The following ZNF664 variants were observed in gnomAD, a reference collection of about 807,000 sequenced individuals.
ZNF664 encodes zinc finger protein 664.
ZNF664 carries 10 observed loss-of-function variants against 18.2 expected under a neutral mutation model. The observed-to-expected ratio is 0.55, with a 90% CI of 0.34 to 0.93. The LOEUF (loss-of-function observed/expected upper bound fraction) is 0.93. Among genes scored for constraint, ZNF664 ranks in the 40% least tolerant of loss-of-function variants. The probability of loss-of-function intolerance (pLI) is 0.02; values close to 1 mark genes in which losing one functional copy is unlikely to be tolerated. For synonymous variants in ZNF664, 119 were observed against 104.2 expected (o/e 1.14, Z -0.86); for missense variants, 193 against 319.0 (o/e 0.61, Z 3.01).
At chr12:123,997,982 A>C (rs1384790552) in intron 3 of ZNF664, 1 of 152,172 alleles carries the variant, frequency 6.6e-6, no homozygotes, top group Non-Finnish European at 1.5e-5. Context: ...ACGAAATCAT[A>C]CAGTTTTGGG....
intron 3 of ZNF664, among the ~76,000 whole-genome samples, chr12:123,999,329 A>T (rs1956985622): frequency 1.3e-5 from 2 of 152,278 alleles, no homozygotes; most frequent in African/African-American, 4.8e-5. Context: ...ACACATTCTG[A>T]TAGATCTGGT....
intron 2 of ZNF664, among the ~76,000 whole-genome samples, chr12:123,987,046 C>CT (rs1956833695): frequency 1.3e-5 from 2 of 152,204 alleles, no homozygotes; most frequent in South Asian, 2.1e-4. Flanking sequence ...CTACAGGACT[C>CT]TATTTCTAAT....
chr12:124,000,766 CT>C (rs1957002460), intron 3 of ZNF664, among the ~76,000 whole-genome samples: 1 of 152,122 alleles, frequency 6.6e-6, no homozygotes, highest in African/African-American at 2.4e-5. Context: ...TGCTCTTCTA[CT>C]TGGCTTCTTT....
chr12:123,994,416 A>G (rs889546914), intron 3 of ZNF664, among the ~76,000 whole-genome samples: 2 of 152,232 alleles, frequency 1.3e-5, no homozygotes, highest in African/African-American at 4.8e-5. Flanking sequence ...AACTCATTAC[A>G]TGCTAACATA....
intron 2 of ZNF664, among the ~76,000 whole-genome samples, chr12:123,987,523 C>A (rs1370520695): frequency 6.6e-6 from 1 of 152,168 alleles, no homozygotes; most frequent in African/African-American, 2.4e-5. Flanking sequence ...GATCAGCTGC[C>A]TTTATTATCT....
At chr12:123,983,108 C>T (rs770254287) in intron 2 of ZNF664, among the ~76,000 whole-genome samples, 2 of 152,158 alleles carry the variant, frequency 1.3e-5, no homozygotes, top group Non-Finnish European at 2.9e-5. Context: ...GATCACGCCA[C>T]TGTACTCCAG....
At chr12:124,005,049 A>C (rs984654347) in intron 3 of ZNF664, 3 of 153,340 alleles carry the variant, frequency 2.0e-5, no homozygotes, top group African/African-American at 4.8e-5. Flanking sequence ...CCCTGCCCCC[A>C]GTCTGTGGAA....
At chr12:123,978,876 T>G (rs180918410) in intron 2 of ZNF664, among the ~76,000 whole-genome samples, 1 of 152,314 alleles carries the variant, frequency 6.6e-6, no homozygotes, top group East Asian at 1.9e-4. Flanking sequence ...ATTTAGTATA[T>G]GATAAAGTTG....
chr12:123,990,269 T>C (rs958527392), intron 3 of ZNF664, among the ~76,000 whole-genome samples: 2 of 152,208 alleles, frequency 1.3e-5, no homozygotes, highest in African/African-American at 4.8e-5. Flanking sequence ...AGATGGTAGA[T>C]TTTATGTTAT....
chr12:124,002,023 T>C (rs1250922037), intron 3 of ZNF664, among the ~76,000 whole-genome samples: 1 of 150,618 alleles, frequency 6.6e-6, no homozygotes, highest in Non-Finnish European at 1.5e-5. Flanking sequence ...AGGCAGTAAG[T>C]GGTAATGTTC....
Position 124,013,071 on chromosome 12 carries a change from A to G in ZNF664, c.*141A>G. On this transcript the variant is annotated 3_prime_UTR_variant, in exon 5 of 5. Transcript: ENST00000337815. Reference sequence around the variant, plus strand: ...TTCTGAGGAGGCATATGTGAGATTGATTTGTTGGTTCATGCCAAGTGTGTT... The same window carrying G: ...TTCTGAGGAGGCATATGTGAGATTGGTTTGTTGGTTCATGCCAAGTGTGTT... The G allele has an allele frequency of 8.5e-7, 1 of 1,175,788 alleles. No individual in the cohort carries two copies. Among genetic ancestry groups the G allele is most frequent in the Non-Finnish European group, 1.2e-6 (1 of 851,028 alleles). 72.8% of individuals were successfully genotyped at this position (1,175,788 alleles called of 1,614,324 possible).
intron 2 of ZNF664, among the ~76,000 whole-genome samples, chr12:123,980,724 C>T (rs1380177542): frequency 1.3e-5 from 2 of 152,160 alleles, no homozygotes; most frequent in Non-Finnish European, 2.9e-5. Flanking sequence ...AGCAGCCTTC[C>T]AGTAAAACCT....
intron 2 of ZNF664, among the ~76,000 whole-genome samples, chr12:123,986,107 G>C (rs558595752): frequency 6.6e-6 from 1 of 151,686 alleles, no homozygotes; most frequent in East Asian, 1.9e-4. Context: ...GTCTAGGCAT[G>C]TCTGGCGGGG....
intron 2 of ZNF664, among the ~76,000 whole-genome samples, chr12:123,986,282 A>G (rs976752743): frequency 9.9e-5 from 15 of 152,186 alleles, no homozygotes; most frequent in African/African-American, 3.4e-4. Context: ...AAGGGGCTAT[A>G]TTGGAGGATG....
In ZNF664 at chr12:124,013,576, A is replaced by G. The variant is rs967037447; in HGVS notation, c.*646A>G. The G allele has an allele frequency of 2.4e-5, 4 of 168,306 alleles. No individual in the cohort carries two copies. The highest frequency in any genetic ancestry group is 9.7e-5 in the African/African-American group (4 of 41,446). 10.4% of individuals were successfully genotyped at this position (168,306 alleles called of 1,614,324 possible). On this transcript the variant is annotated 3_prime_UTR_variant, in exon 5 of 5. Transcript: ENST00000337815. Reference sequence around the variant, plus strand: ...TATCAGAAAAGTCATTGGCAGACATATATGTCCTTGAACCTTTTTTATTTG... The same window carrying G: ...TATCAGAAAAGTCATTGGCAGACATGTATGTCCTTGAACCTTTTTTATTTG...
intron 3 of ZNF664, among the ~76,000 whole-genome samples, chr12:123,996,238 GTC>G (rs1956946771): frequency 6.6e-6 from 1 of 152,226 alleles, no homozygotes; most frequent in Admixed American, 6.5e-5. Context: ...GAGGAAATGA[GTC>G]TTGGGGTTGA....
rs1181982766 is a variant in ZNF664, at chr12:124,014,582, T to C, written c.*1652T>C. ...GTAGTCCTTTTGCTCAGGAAGTCTT[T>C]GGGGAAATTAAGGATCTTTGAAGCT... On this transcript the variant is annotated 3_prime_UTR_variant, in exon 5 of 5. Coordinates refer to ENST00000337815, the MANE Select transcript of ZNF664 (RefSeq NM_152437.3). The C allele has an allele frequency of 6.0e-6, 1 of 167,070 alleles. No homozygotes were observed. Among genetic ancestry groups the C allele is most frequent in the Non-Finnish European group, 1.5e-5 (1 of 68,130 alleles). 10.3% of individuals were successfully genotyped at this position (167,070 alleles called of 1,614,324 possible).
chr12:123,984,805 T>C (rs1956805179), intron 2 of ZNF664, among the ~76,000 whole-genome samples: 1 of 152,036 alleles, frequency 6.6e-6, no homozygotes, highest in Non-Finnish European at 1.5e-5. Context: ...TAAGAAACTG[T>C]GGCATCATCA....
At chr12:123,997,619 T>TAG (rs751422617) in intron 3 of ZNF664, 4 of 152,336 alleles carry the variant, frequency 2.6e-5, no homozygotes, top group Non-Finnish European at 2.9e-5. Context: ...TTTATAAGGA[T>TAG]AGCAGGCATT....
Sources: gnomAD v4.1 joint callset for allele counts (sites outside exome capture counted in the v4.1 genomes callset) on GRCh38, gnomAD v4.1.1 for gene constraint, MANE v1.5 for transcripts, NCBI Gene and HGNC (gene_info 2026-07-23, HGNC 2026-07-21) for gene names.